PTPRD: variants seen among roughly 807,000 people sequenced by gnomAD.
PTPRD encodes the protein receptor-type tyrosine-protein phosphatase delta.
In PTPRD, 34 loss-of-function variants were observed where a neutral mutation model predicts 214.5. That is an observed-to-expected ratio of 0.16 (90% CI 0.12 to 0.21). The LOEUF (loss-of-function observed/expected upper bound fraction) is 0.21. Among genes scored for constraint, PTPRD ranks in the 10% least tolerant of loss-of-function variants. The pLI, the probability that PTPRD is intolerant of heterozygous loss-of-function variation, is 1.00. For synonymous variants in PTPRD, 1,128 were observed against 845.7 expected (o/e 1.33, Z -5.79); for missense variants, 2,545 against 2,398.7 (o/e 1.06, Z -1.27).
At chr9:9,170,130 G>A (rs749217656) in intron 10 of PTPRD, among the ~76,000 whole-genome samples, 35 of 152,068 alleles carry the variant, frequency 2.3e-4, no homozygotes, top group South Asian at 6.2e-4. Context: ...AATAAATATC[G>A]CAATCTGTGA....
chr9:10,121,220 G>C (rs936697635), intron 3 of PTPRD, among the ~76,000 whole-genome samples: 1 of 152,068 alleles, frequency 6.6e-6, no homozygotes. Context: ...CAAATTTATA[G>C]AGACTGTTTT....
intron 11 of PTPRD, among the ~76,000 whole-genome samples, chr9:8,759,133 C>T (rs118003684): frequency 5.9e-5 from 9 of 152,088 alleles, no homozygotes; most frequent in Middle Eastern, 3.4e-3. Context: ...TGAGGTCAAG[C>T]GATCCTCCTG....
At chr9:9,538,747 T>C (rs1352842805) in intron 8 of PTPRD, among the ~76,000 whole-genome samples, 1 of 151,896 alleles carries the variant, frequency 6.6e-6, no homozygotes, top group Non-Finnish European at 1.5e-5. Flanking sequence ...TTATTTTTAC[T>C]TCCCAACAAA....
chr9:9,822,434 T>C (rs566967217), intron 5 of PTPRD, among the ~76,000 whole-genome samples: 111 of 147,476 alleles, frequency 7.5e-4, no homozygotes, highest in Non-Finnish European at 3.7e-4. Context: ...ATATACATAA[T>C]ATATAATATA....
intron 3 of PTPRD, among the ~76,000 whole-genome samples, chr9:10,202,024 T>C (rs1265697670): frequency 6.6e-6 from 1 of 152,016 alleles, no homozygotes; most frequent in Non-Finnish European, 1.5e-5. Context: ...AGTTGATCAT[T>C]CAGATGAAAG....
At chr9:8,576,325 C>T (rs532479257) in intron 14 of PTPRD, among the ~76,000 whole-genome samples, 8 of 152,182 alleles carry the variant, frequency 5.3e-5, no homozygotes, top group Non-Finnish European at 8.8e-5. Context: ...AATAATTCTG[C>T]ATTTAAGGCA....
At chr9:8,776,451 A>C (rs1247632246) in intron 11 of PTPRD, among the ~76,000 whole-genome samples, 1 of 152,040 alleles carries the variant, frequency 6.6e-6, no homozygotes, top group Non-Finnish European at 1.5e-5. Context: ...ACAGGTGCAC[A>C]CTACAATGTC....
intron 8 of PTPRD, among the ~76,000 whole-genome samples, chr9:9,511,119 C>T (rs2154244210): frequency 6.6e-6 from 1 of 151,758 alleles, no homozygotes; most frequent in East Asian, 1.9e-4. Flanking sequence ...TTGCAGATAG[C>T]TTTTTGTTTA....
At chr9:9,512,304 T>G (rs1364532574) in intron 8 of PTPRD, among the ~76,000 whole-genome samples, 1 of 151,870 alleles carries the variant, frequency 6.6e-6, no homozygotes, top group East Asian at 1.9e-4. Context: ...CAGGTGATTA[T>G]TTCTATTTTT....
At chr9:10,369,311 T>C (rs2097569296) in intron 2 of PTPRD, among the ~76,000 whole-genome samples, 1 of 152,088 alleles carries the variant, frequency 6.6e-6, no homozygotes, top group Non-Finnish European at 1.5e-5. Context: ...ATTGCATCTA[T>C]TTTCCCAAAA....
intron 2 of PTPRD, among the ~76,000 whole-genome samples, chr9:10,457,218 G>C (rs1008701549): frequency 1.3e-5 from 2 of 151,484 alleles, no homozygotes; most frequent in Non-Finnish European, 3.0e-5. Flanking sequence ...TCATTTTAAG[G>C]GTTCAATTAA....
At chr9:10,508,906 C>A (rs960423738) in intron 2 of PTPRD, among the ~76,000 whole-genome samples, 1 of 151,986 alleles carries the variant, frequency 6.6e-6, no homozygotes, top group African/African-American at 2.4e-5. Flanking sequence ...AACAAACCTG[C>A]ACTTTGTGCA....
intron 10 of PTPRD, among the ~76,000 whole-genome samples, chr9:9,116,217 A>G (rs1268394344): frequency 6.6e-6 from 1 of 152,176 alleles, no homozygotes; most frequent in Non-Finnish European, 1.5e-5. Flanking sequence ...ATAAAAGTTG[A>G]AATTATTTAA....
chr9:9,448,252 G>A (rs914389270), intron 8 of PTPRD, among the ~76,000 whole-genome samples: 1 of 152,026 alleles, frequency 6.6e-6, no homozygotes, highest in Non-Finnish European at 1.5e-5. Flanking sequence ...GATACGGTTT[G>A]GCTATGTGTC....
intron 3 of PTPRD, among the ~76,000 whole-genome samples, chr9:10,115,379 T>G (rs1454626995): frequency 1.3e-5 from 2 of 152,086 alleles, no homozygotes; most frequent in African/African-American, 2.4e-5. Flanking sequence ...TGAGAGTGAA[T>G]TGTTTCAATG....
rs1174478037 is a variant in PTPRD at position 9,147,343 on chromosome 9, A to G, written c.-143+35961T>C. The stretch of plus-strand genomic sequence containing the variant: ...TCCTGGGGTGGGGGAGGGGATTAAT[A>G]CTGTTATTCTTTTTTTAAAATTTTT... On this transcript the variant is annotated intron_variant, in intron 10 of 45. Coordinates refer to ENST00000381196, the MANE Select transcript of PTPRD (RefSeq NM_002839.4). Among the ~76,000 whole-genome samples the G allele has an allele frequency of 3.9e-5, 6 of 151,904 alleles. No homozygotes were observed. The East Asian group carries it at 1.2e-3, about 29-fold the overall frequency.
intron 10 of PTPRD, among the ~76,000 whole-genome samples, chr9:9,053,988 T>A (rs1200317542): frequency 6.6e-6 from 1 of 152,166 alleles, no homozygotes; most frequent in Admixed American, 6.6e-5. Flanking sequence ...TTTGGTAATA[T>A]GAGTGAGAAA....
chr9:9,952,019 T>C (rs189353506), intron 4 of PTPRD, among the ~76,000 whole-genome samples: 47 of 152,150 alleles, frequency 3.1e-4, no homozygotes, highest in Admixed American at 1.4e-3. Context: ...GGAAATGAAA[T>C]AAAGATGCTG....
intron 3 of PTPRD, among the ~76,000 whole-genome samples, chr9:10,303,159 C>G (rs573927257): frequency 2.0e-5 from 3 of 152,258 alleles, no homozygotes; most frequent in Non-Finnish European, 4.4e-5. Context: ...TCCTGAATGA[C>G]TACTGAGTAA....
Sources: gnomAD v4.1 joint callset for allele counts (sites outside exome capture counted in the v4.1 genomes callset) on GRCh38, gnomAD v4.1.1 for gene constraint, MANE v1.5 for transcripts, NCBI Gene and HGNC (gene_info 2026-07-23, HGNC 2026-07-21) for gene names.